PTPRN2: variants seen among roughly 807,000 people sequenced by gnomAD.
PTPRN2 encodes protein tyrosine phosphatase receptor type N2.
PTPRN2 carries 74 observed loss-of-function variants against 118.8 expected under a neutral mutation model. That is an observed-to-expected ratio of 0.62 (90% CI 0.52 to 0.76). The LOEUF is 0.76. Ranked by LOEUF, PTPRN2 falls within the 30% of genes least tolerant of loss-of-function variation. PTPRN2 has a pLI of 0.00. For missense variants in PTPRN2, 1,481 were observed against 1,394.4 expected (o/e 1.06, Z -0.99); for synonymous variants, 641 against 608.0 (o/e 1.05, Z -0.80).
intron 11 of PTPRN2, among the ~76,000 whole-genome samples, chr7:157,992,322 G>A (rs1046390518): frequency 6.6e-6 from 1 of 152,236 alleles, no homozygotes; most frequent in Admixed American, 6.5e-5. Context: ...GGCTGCTCAT[G>A]GCCCCGAGTC....
Position 157,711,417 on chromosome 7 carries a change from G to C in PTPRN2, c.1789-28480C>G, listed in dbSNP as rs190380627. On this transcript the variant is annotated intron_variant, in intron 12 of 22. Transcript: ENST00000389418. ...ACGCGCCGGAGGTTCCGGGGCAGCC[G>C]GGTTACACGCGAGAGCCCCACGCGC... Among the ~76,000 whole-genome samples the C allele has an allele frequency of 8.4e-4, 116 of 138,294 alleles. 2 individuals carry two copies. Among genetic ancestry groups the C allele is most frequent in the African/African-American group, 2.9e-3 (107 of 37,142 alleles). 90.7% of individuals were successfully genotyped at this position (138,294 alleles called of 152,430 possible). A position where few individuals can be genotyped will look rare whatever the true frequency, so the allele number is the denominator to read the frequency against.
intron 11 of PTPRN2, among the ~76,000 whole-genome samples, chr7:157,936,987 T>A (rs1445146970): frequency 6.6e-6 from 1 of 152,224 alleles, no homozygotes; most frequent in Non-Finnish European, 1.5e-5. Flanking sequence ...TAAAAAGTAT[T>A]TTTTCTCTTG....
rs533719686 is a variant in PTPRN2, at chr7:158,301,532, G to T, written c.277+15287C>A. On this transcript the variant is annotated intron_variant, in intron 3 of 22. Coordinates refer to ENST00000389418, the MANE Select transcript of PTPRN2 (RefSeq NM_002847.5). Reference sequence around the variant, plus strand: ...ACACACCACTCCCCAGCTCTTGCTGGTTTGAGTTATGTGAACCTTCAACAT... The same window carrying T: ...ACACACCACTCCCCAGCTCTTGCTGTTTTGAGTTATGTGAACCTTCAACAT... Among the ~76,000 whole-genome samples, 4 of 152,318 alleles carry T rather than the reference G, an allele frequency of 2.6e-5. No individual in the cohort carries two copies. In the South Asian group the frequency reaches 8.3e-4, roughly 32 times the overall value.
chr7:157,710,371 G>C (rs1406977401), intron 12 of PTPRN2, among the ~76,000 whole-genome samples: 2 of 152,152 alleles, frequency 1.3e-5, no homozygotes, highest in South Asian at 2.1e-4. Flanking sequence ...CACTTTGGGA[G>C]GCCGAGGCGG....
At chr7:157,979,639 G>A (rs1355998220) in intron 11 of PTPRN2, among the ~76,000 whole-genome samples, 1 of 152,198 alleles carries the variant, frequency 6.6e-6, no homozygotes, top group Non-Finnish European at 1.5e-5. Context: ...CCCGGCTCCA[G>A]AGCGACGCTG....
intron 15 of PTPRN2, among the ~76,000 whole-genome samples, chr7:157,606,323 G>A (rs1801999855): frequency 6.6e-6 from 1 of 152,182 alleles, no homozygotes. Flanking sequence ...CTACGGTTTG[G>A]GCAGCTGTAG....
chr7:158,198,706 G>A (rs942427421), intron 4 of PTPRN2, among the ~76,000 whole-genome samples: 1 of 146,446 alleles, frequency 6.8e-6, no homozygotes, highest in South Asian at 2.3e-4. Flanking sequence ...CTCAGGTTCT[G>A]GCTTCTCAGG....
intron 2 of PTPRN2, among the ~76,000 whole-genome samples, chr7:158,330,814 ACACCC>A (rs1804224444): frequency 9.7e-6 from 1 of 102,932 alleles, no homozygotes; most frequent in African/African-American, 3.3e-5. Context: ...ATAAGAGCTG[ACACCC>A]GCAGACGTCA....
intron 12 of PTPRN2, among the ~76,000 whole-genome samples, chr7:157,798,682 T>A (rs906140747): frequency 5.9e-5 from 9 of 152,258 alleles, no homozygotes; most frequent in African/African-American, 1.9e-4. Context: ...TTACACCCTA[T>A]AATTAGAACT....
intron 2 of PTPRN2, among the ~76,000 whole-genome samples, chr7:158,421,573 C>T (rs533871734): frequency 6.6e-6 from 1 of 152,350 alleles, no homozygotes; most frequent in South Asian, 2.1e-4. Context: ...TGGATTAAAT[C>T]TGAACAGTGA....
intron 1 of PTPRN2, among the ~76,000 whole-genome samples, chr7:158,514,652 T>C (rs140555787): frequency 3.3e-5 from 5 of 152,292 alleles, no homozygotes; most frequent in East Asian, 3.9e-4. Flanking sequence ...AAAAGAAGGA[T>C]ACCTACTTTC....
intron 3 of PTPRN2, among the ~76,000 whole-genome samples, chr7:158,272,279 C>G (rs535530419): frequency 6.6e-6 from 1 of 152,200 alleles, no homozygotes; most frequent in African/African-American, 2.4e-5. Context: ...CGGGCAGGCC[C>G]TGTGGTCTCC....
At chr7:158,220,765 T>G (rs952939197) in intron 3 of PTPRN2, among the ~76,000 whole-genome samples, 1 of 151,360 alleles carries the variant, frequency 6.6e-6, no homozygotes, top group African/African-American at 2.4e-5. Context: ...TCAATATTGT[T>G]AAAATGGTGA....
At chr7:158,143,928 C>T (rs982870769) in intron 6 of PTPRN2, among the ~76,000 whole-genome samples, 1 of 152,106 alleles carries the variant, frequency 6.6e-6, no homozygotes, top group Non-Finnish European at 1.5e-5. Context: ...AGCAGAGTGG[C>T]CACCGTCCCC....
At chr7:158,149,425 A>G (rs534756610) in intron 6 of PTPRN2, among the ~76,000 whole-genome samples, 1 of 149,682 alleles carries the variant, frequency 6.7e-6, no homozygotes, top group South Asian at 2.2e-4. Flanking sequence ...ATAAGATGTT[A>G]CCTTTTCTCA....
At chr7:158,207,712 T>C (rs1357887197) in intron 3 of PTPRN2, among the ~76,000 whole-genome samples, 1 of 152,126 alleles carries the variant, frequency 6.6e-6, no homozygotes, top group African/African-American at 2.4e-5. Flanking sequence ...CTACAATAAA[T>C]ACCTAACTCA....
chr7:158,311,561 T>C (rs1024113337), intron 3 of PTPRN2, among the ~76,000 whole-genome samples: 2 of 152,268 alleles, frequency 1.3e-5, no homozygotes, highest in African/African-American at 4.8e-5. Context: ...CGTATTTTGT[T>C]CTGTGATGTA....
chr7:157,981,782 G>A (rs1460435567), intron 11 of PTPRN2, among the ~76,000 whole-genome samples: 1 of 152,262 alleles, frequency 6.6e-6, no homozygotes, highest in African/African-American at 2.4e-5. Context: ...AAGCTATGAT[G>A]TGAAGGCTTT....
At chr7:158,478,306 C>T (rs939090003) in intron 2 of PTPRN2, among the ~76,000 whole-genome samples, 1 of 152,204 alleles carries the variant, frequency 6.6e-6, no homozygotes, top group African/African-American at 2.4e-5. Context: ...AAAGCAGCGC[C>T]GTACAGACAC....
Sources: allele counts gnomAD v4.1 joint callset (sites outside exome capture counted in the v4.1 genomes callset), GRCh38; gene constraint gnomAD v4.1.1; transcripts MANE v1.5; gene names NCBI Gene and HGNC (gene_info 2026-07-23, HGNC 2026-07-21).